The following SUGCT variants were observed in gnomAD, a reference collection of about 807,000 sequenced individuals.
SUGCT encodes the protein succinyl-CoA:glutarate CoA-transferase.
A neutral mutation model predicts 55.0 loss-of-function variants in SUGCT; 41 were observed. The observed-to-expected ratio is 0.74, with a 90% confidence interval of 0.58 to 0.97. The LOEUF (loss-of-function observed/expected upper bound fraction) is 0.97. SUGCT is among the 50% of genes least tolerant of loss of function. The pLI is 0.00. For synonymous variants in SUGCT, 187 were observed against 200.4 expected, an observed-to-expected ratio of 0.93 and a Z score of 0.56; for missense variants, 568 against 547.8, an observed-to-expected ratio of 1.04 and a Z score of -0.37.
chr7:40,663,607 A>G (rs1294154766), intron 12 of SUGCT, among the ~76,000 whole-genome samples: 2 of 151,830 alleles, frequency 1.3e-5, no homozygotes, highest in Admixed American at 6.6e-5. Context: ...ATGTTCCTAA[A>G]TTAATCCATC....
At chr7:40,932,729 A>G in the SUGCT span, among the ~76,000 whole-genome samples, 19 of 149,350 alleles carry the variant, frequency 1.3e-4, no homozygotes, top group Middle Eastern at 3.5e-3. Context: ...CTGCTTTATC[A>G]GAGACTAGGT....
intron 12 of SUGCT, among the ~76,000 whole-genome samples, chr7:40,542,464 G>A (rs1794746076): frequency 6.6e-6 from 1 of 152,062 alleles, no homozygotes; most frequent in Non-Finnish European, 1.5e-5. Flanking sequence ...GCGATGATGT[G>A]GTTAAAGTAG....
chr7:40,237,793 C>A, intron 7 of SUGCT, 67 bp downstream of exon 7: 1 of 1,304,492 alleles, frequency 7.7e-7, no homozygotes. Flanking sequence ...TTTTACTCTG[C>A]ACTAACCCAT....
chr7:41,032,675 G>A, the SUGCT span, among the ~76,000 whole-genome samples: 1 of 152,206 alleles, frequency 6.6e-6, no homozygotes, highest in Non-Finnish European at 1.5e-5. Context: ...TATGCAGAAT[G>A]CCACCTCTGA....
chr7:40,752,295 G>T (rs141702221), intron 13 of SUGCT, among the ~76,000 whole-genome samples: 1 of 152,276 alleles, frequency 6.6e-6, no homozygotes, highest in East Asian at 1.9e-4. Flanking sequence ...TATGTAAGAT[G>T]TTGGTGTACA....
chr7:40,341,808 G>A (rs1797066516), intron 9 of SUGCT, among the ~76,000 whole-genome samples: 1 of 152,208 alleles, frequency 6.6e-6, no homozygotes, highest in African/African-American at 2.4e-5. Flanking sequence ...TTCTGAGTTG[G>A]CCAGCAGAAT....
chr7:40,914,061 AG>A, the SUGCT span, among the ~76,000 whole-genome samples: 1 of 144,072 alleles, frequency 6.9e-6, no homozygotes, highest in African/African-American at 2.7e-5. Context: ...TTTTTTTTTC[AG>A]TTTTTTTTTT....
intron 12 of SUGCT, among the ~76,000 whole-genome samples, chr7:40,727,573 A>G (rs1284398794): frequency 6.6e-6 from 1 of 152,246 alleles, no homozygotes; most frequent in Non-Finnish European, 1.5e-5. Flanking sequence ...TCAGCAAGAA[A>G]TAACTATATC....
At chr7:40,738,162 A>C (rs530467892) in intron 12 of SUGCT, among the ~76,000 whole-genome samples, 1 of 147,552 alleles carries the variant, frequency 6.8e-6, no homozygotes. Context: ...ACAGCACTGC[A>C]CTCCAGCCTG....
rs547210101 is a variant in SUGCT, at chr7:40,260,024, A to T, written c.577-14489A>T. 7.5e-4 allele frequency among the ~76,000 whole-genome samples: 114 copies of T among 152,294 alleles called. 1 individual carries two copies. Among genetic ancestry groups the T allele is most frequent in the Middle Eastern group, 3.4e-3 (1 of 294 alleles). ...TGATATGTGGGATATTTCATTTGTT[A>T]TTGACATTAGTGCTTGGGGTATGGA... On this transcript the variant is annotated intron_variant, in intron 7 of 13. Transcript: ENST00000335693.
At chr7:40,773,246 A>C (rs1789273764) in intron 13 of SUGCT, among the ~76,000 whole-genome samples, 1 of 152,056 alleles carries the variant, frequency 6.6e-6, no homozygotes, top group Admixed American at 6.6e-5. Context: ...CTCCTGCCTC[A>C]GCCTCCCAAG....
chr7:40,879,068 AG>A, the SUGCT span, among the ~76,000 whole-genome samples: 1 of 152,194 alleles, frequency 6.6e-6, no homozygotes, highest in African/African-American at 2.4e-5. Context: ...CTGGGATTAC[AG>A]GCATGAACCA....
intron 12 of SUGCT, among the ~76,000 whole-genome samples, chr7:40,603,943 C>T (rs1470635443): frequency 6.6e-6 from 1 of 152,070 alleles, no homozygotes; most frequent in African/African-American, 2.4e-5. Flanking sequence ...ATATCCTTAG[C>T]GCTATTTACA....
chr7:40,515,016 A>G (rs1793157271), intron 12 of SUGCT, among the ~76,000 whole-genome samples: 1 of 152,224 alleles, frequency 6.6e-6, no homozygotes, highest in Non-Finnish European at 1.5e-5. Flanking sequence ...ATTACATCTT[A>G]TATAATTATA....
intron 1 of SUGCT, among the ~76,000 whole-genome samples, chr7:40,148,839 G>A (rs1164559076): frequency 2.0e-5 from 3 of 152,188 alleles, no homozygotes; most frequent in African/African-American, 7.2e-5. Flanking sequence ...ATGAATGGAT[G>A]CGGATGGAGA....
chr7:40,622,520 T>C (rs1191946938), intron 12 of SUGCT, among the ~76,000 whole-genome samples: 2 of 148,370 alleles, frequency 1.3e-5, no homozygotes, highest in African/African-American at 2.5e-5. Flanking sequence ...CTCATGTTTG[T>C]TGTGGTTGTT....
the SUGCT span, among the ~76,000 whole-genome samples, chr7:40,960,766 T>C: frequency 2.0e-5 from 3 of 152,190 alleles, no homozygotes; most frequent in Admixed American, 6.5e-5. Context: ...TTTCATACAG[T>C]CTTCAGCATT....
chr7:40,173,517 G>A (rs1181561120), intron 1 of SUGCT, among the ~76,000 whole-genome samples: 2 of 152,162 alleles, frequency 1.3e-5, no homozygotes, highest in Non-Finnish European at 2.9e-5. Flanking sequence ...GCCCACTCCC[G>A]GCTCAAATGC....
chr7:40,685,839 A>G (rs1784439874), intron 12 of SUGCT, among the ~76,000 whole-genome samples: 1 of 152,156 alleles, frequency 6.6e-6, no homozygotes, highest in South Asian at 2.1e-4. Flanking sequence ...GAAGTTTGAG[A>G]CCAGCCTGGC....
Sources: allele counts gnomAD v4.1 joint callset (sites outside exome capture counted in the v4.1 genomes callset), GRCh38; gene constraint gnomAD v4.1.1; transcripts MANE v1.5; gene names NCBI Gene and HGNC (gene_info 2026-07-23, HGNC 2026-07-21).